The following SNCAIP variants were observed in gnomAD, a reference collection of about 807,000 sequenced individuals.
The protein encoded by SNCAIP is synphilin-1.
A neutral mutation model predicts 86.7 loss-of-function variants in SNCAIP; 43 were observed. The observed-to-expected ratio is 0.50, with a 90% CI of 0.39 to 0.64. The LOEUF (loss-of-function observed/expected upper bound fraction) is 0.64, where lower values mean the gene tolerates loss of function less well. Among genes scored for constraint, SNCAIP ranks in the 30% least tolerant of loss-of-function variants. SNCAIP has a pLI of 0.00. For missense variants in SNCAIP, 981 were observed against 1,103.1 expected, an observed-to-expected ratio of 0.89 and a Z score of 1.57; for synonymous variants, 417 against 427.2, an observed-to-expected ratio of 0.98 and a Z score of 0.29.
chr5:122,317,256 A>G (rs1317260630), intron 1 of SNCAIP, among the ~76,000 whole-genome samples: 1 of 152,176 alleles, frequency 6.6e-6, no homozygotes, highest in Admixed American at 6.5e-5. Context: ...TTGTCAGGAC[A>G]CTTGGTTGCA....
At chr5:122,372,621 T>C (rs547508539) in intron 1 of SNCAIP, among the ~76,000 whole-genome samples, 1 of 152,206 alleles carries the variant, frequency 6.6e-6, no homozygotes, top group Non-Finnish European at 1.5e-5. Flanking sequence ...CTTCTTGTTC[T>C]GTACTCTCCA....
chr5:122,420,017 T>C (rs1399053477), intron 3 of SNCAIP, among the ~76,000 whole-genome samples: 1 of 152,186 alleles, frequency 6.6e-6, no homozygotes, highest in Non-Finnish European at 1.5e-5. Flanking sequence ...TAGCAATACA[T>C]TGGAGACTTT....
At chr5:122,353,836 T>G (rs1760432535) in intron 1 of SNCAIP, among the ~76,000 whole-genome samples, 1 of 152,066 alleles carries the variant, frequency 6.6e-6, no homozygotes, top group Non-Finnish European at 1.5e-5. Context: ...GAAAATGGAC[T>G]AATACGGCAG....
chr5:122,384,275 G>A (rs2152824796), intron 1 of SNCAIP, among the ~76,000 whole-genome samples: 1 of 152,256 alleles, frequency 6.6e-6, no homozygotes, highest in Non-Finnish European at 1.5e-5. Context: ...CCTGAGGTTT[G>A]CCATCTGTAA....
intron 5 of SNCAIP, among the ~76,000 whole-genome samples, chr5:122,428,014 A>G (rs1232309083): frequency 2.0e-5 from 3 of 152,220 alleles, no homozygotes; most frequent in African/African-American, 4.8e-5. Flanking sequence ...AGTTTTCTTT[A>G]GAAATGATTA....
chr5:122,399,411 G>A (rs534511299), intron 2 of SNCAIP, among the ~76,000 whole-genome samples: 1 of 152,158 alleles, frequency 6.6e-6, no homozygotes, highest in Non-Finnish European at 1.5e-5. Context: ...CAGATCTTAT[G>A]GCTCCAAATC....
intron 10 of SNCAIP, among the ~76,000 whole-genome samples, chr5:122,456,936 T>C (rs1784891355): frequency 6.6e-6 from 1 of 152,202 alleles, no homozygotes; most frequent in Non-Finnish European, 1.5e-5. Context: ...AAGTAGTTGG[T>C]GCTTAACACT....
At chr5:122,379,422 G>C (rs1182710900) in intron 1 of SNCAIP, among the ~76,000 whole-genome samples, 2 of 98,920 alleles carry the variant, frequency 2.0e-5, no homozygotes, top group Non-Finnish European at 4.0e-5. Context: ...TTGCTTATCA[G>C]CTTAAGGAGA....
chr5:122,380,093 T>A (rs1217650233), intron 1 of SNCAIP, among the ~76,000 whole-genome samples: 2 of 152,062 alleles, frequency 1.3e-5, no homozygotes, highest in Non-Finnish European at 2.9e-5. Context: ...TTCTATTGAT[T>A]GGAATAGTTT....
intron 1 of SNCAIP, among the ~76,000 whole-genome samples, chr5:122,332,495 A>G (rs1212574543): frequency 1.3e-5 from 2 of 152,272 alleles, no homozygotes; most frequent in Non-Finnish European, 2.9e-5. Context: ...GCATAAGATT[A>G]TACTTATTTC....
At chr5:122,452,979 C>G (rs2153007046) in intron 10 of SNCAIP, 1 of 1,546,992 alleles carries the variant, frequency 6.5e-7, no homozygotes, top group African/African-American at 1.4e-5. Flanking sequence ...TGAAGAGCAT[C>G]TGTGTAACGA....
chr5:122,415,086 T>C (rs1331374079), intron 3 of SNCAIP, among the ~76,000 whole-genome samples: 1 of 152,268 alleles, frequency 6.6e-6, no homozygotes, highest in African/African-American at 2.4e-5. Flanking sequence ...CTTTATAGTA[T>C]ACTTGTGAAG....
intron 1 of SNCAIP, among the ~76,000 whole-genome samples, chr5:122,320,506 T>A (rs1561503078): frequency 6.6e-6 from 1 of 152,152 alleles, no homozygotes; most frequent in Non-Finnish European, 1.5e-5. Context: ...AAATAAAGCG[T>A]GGTAAGTGTT....
chr5:122,331,796 C>A (rs1406481489), intron 1 of SNCAIP, among the ~76,000 whole-genome samples: 2 of 152,230 alleles, frequency 1.3e-5, no homozygotes, highest in Admixed American at 1.3e-4. Context: ...ATAGCACTTA[C>A]CCTAACTTAA....
At chr5:122,421,945 C>T (rs1339527647) in intron 3 of SNCAIP, among the ~76,000 whole-genome samples, 1 of 149,968 alleles carries the variant, frequency 6.7e-6, no homozygotes, top group East Asian at 2.0e-4. Context: ...TACTCTATCG[C>T]AACCAGACAC....
intron 8 of SNCAIP, 188 bp downstream of exon 8, chr5:122,444,920 A>T (rs1321120696): frequency 1.5e-6 from 1 of 647,544 alleles, no homozygotes; most frequent in Non-Finnish European, 2.8e-6. Context: ...ATCTCTGCAG[A>T]GGCAAAAGGA....
At chr5:122,414,958 CTTA>C in intron 3 of SNCAIP, among the ~76,000 whole-genome samples, 1 of 152,120 alleles carries the variant, frequency 6.6e-6, no homozygotes, top group Non-Finnish European at 1.5e-5. Context: ...CATAAAAAGC[CTTA>C]ACACAAATGT....
chr5:122,425,362 C>T lies in SNCAIP; in HGVS notation c.1013C>T (p.Ala338Val). ...TTACTATTTATACAGCCACACCTAGCTGCAGACAATCTAGACAAAATTCAC... is the reference window on the plus strand; with the variant it reads ...TTACTATTTATACAGCCACACCTAGTTGCAGACAATCTAGACAAAATTCAC... ...EGQISLLPHLAADNLDKIHDE... is the reference protein window; with the variant it reads ...EGQISLLPHLVADNLDKIHDE... The change falls in exon 5 of 11, where the codon GCT becomes GTT. Residue 338 changes from alanine (A) to valine (V), a missense_variant. Coordinates refer to ENST00000261368, the MANE Select transcript of SNCAIP (RefSeq NM_005460.4). 2 of 1,613,382 alleles carry T rather than the reference C, an allele frequency of 1.2e-6. No homozygotes were observed. The highest frequency in any genetic ancestry group is 1.7e-6 in the Non-Finnish European group (2 of 1,179,268).
At chr5:122,358,349 T>TC (rs1554085622) in intron 1 of SNCAIP, among the ~76,000 whole-genome samples, 1 of 95,122 alleles carries the variant, frequency 1.1e-5, no homozygotes, top group Non-Finnish European at 2.1e-5. Flanking sequence ...ATGCTATCCC[T>TC]CCCCCCTCCC....
Sources: gnomAD v4.1 joint callset for allele counts (sites outside exome capture counted in the v4.1 genomes callset) on GRCh38, gnomAD v4.1.1 for gene constraint, MANE v1.5 for transcripts, NCBI Gene and HGNC (gene_info 2026-07-23, HGNC 2026-07-21) for gene names.